Variants in LRRN2 observed in about 807,000 individuals in gnomAD.
LRRN2 encodes leucine rich repeat neuronal 2.
A neutral mutation model predicts 35.7 loss-of-function variants in LRRN2; 10 were observed. The observed-to-expected ratio is 0.28, with a 90% CI of 0.17 to 0.47. The LOEUF is 0.47. Among genes scored for constraint, LRRN2 ranks in the 20% least tolerant of loss-of-function variants. The pLI, the probability that LRRN2 is intolerant of heterozygous loss-of-function variation, is 0.99. For synonymous variants in LRRN2, 391 were observed against 409.6 expected (o/e 0.95, Z 0.55); for missense variants, 731 against 940.3 (o/e 0.78, Z 2.91).
chr1:204,677,158 G>A (rs909793065), intron 1 of LRRN2, among the ~76,000 whole-genome samples: 12 of 152,230 alleles, frequency 7.9e-5, no homozygotes, highest in African/African-American at 2.4e-4. Context: ...CCCAAGGGCA[G>A]GTGGCTAGGG....
intron 1 of LRRN2, among the ~76,000 whole-genome samples, chr1:204,656,212 C>G (rs6663910): frequency 0.41 from 62,006 of 152,072 alleles, 13,900 homozygotes; most frequent in Admixed American, 0.51. Context: ...CCTGGCCCCC[C>G]TCTATTCTTT....
intron 1 of LRRN2, among the ~76,000 whole-genome samples, chr1:204,638,472 T>C (rs1487728927): frequency 7.6e-6 from 1 of 131,452 alleles, no homozygotes; most frequent in Non-Finnish European, 1.6e-5. Context: ...AGTGCAGTGG[T>C]GCGATCTCGG....
rs1668601581 is a variant in LRRN2 at position 204,667,631 on chromosome 1, A to C, written c.-227+17689T>G. On this transcript the variant is annotated intron_variant, in intron 1 of 1. Coordinates refer to ENST00000367177, the MANE Select transcript of LRRN2 (RefSeq NM_201630.2). ...CCCAGCAAAGAGAGACTTTTAATAG[A>C]ATGTGCTGACTGTGCTCAGTTCATG... Among the ~76,000 whole-genome samples, 3 of 152,144 alleles carry C rather than the reference A, an allele frequency of 2.0e-5. No homozygotes were observed. In the South Asian group the frequency reaches 6.2e-4, roughly 32 times the overall value.
intron 1 of LRRN2, among the ~76,000 whole-genome samples, chr1:204,673,755 T>C (rs1668759102): frequency 6.6e-6 from 1 of 152,174 alleles, no homozygotes; most frequent in African/African-American, 2.4e-5. Flanking sequence ...TGGCCCCTGC[T>C]CCTCTCAGCC....
intron 1 of LRRN2, chr1:204,627,153 GTTCCTCATCCCA>G (rs1341528135): frequency 6.6e-6 from 1 of 152,160 alleles, no homozygotes; most frequent in Non-Finnish European, 1.5e-5. Flanking sequence ...GCCACTTTAT[GTTCCTCATCCCA>G]TCCTTCTGTG....
intron 1 of LRRN2, among the ~76,000 whole-genome samples, chr1:204,673,850 T>C (rs1169456358): frequency 1.3e-5 from 2 of 152,116 alleles, no homozygotes; most frequent in African/African-American, 4.8e-5. Flanking sequence ...GCTGCCCTGC[T>C]TGGTTCTTTG....
rs201115798 is a variant in LRRN2, at chr1:204,618,308, G to C, written c.1685C>G (p.Ser562Cys). 6.3e-7 allele frequency: 1 copy of C among 1,596,406 alleles called. No individual in the cohort carries two copies. The change falls in exon 2 of 2, where the codon TCC becomes TGC. Residue 562 changes from serine (S) to cysteine (C), a missense_variant. Physicochemically the swap from Ser to Cys is moderately radical, Grantham distance 112. Around this residue, in one of 3 missense-constraint regions of LRRN2, gnomAD observed 229 missense variants for 258.4 expected, o/e 0.89. Transcript: ENST00000367177. The stretch of plus-strand genomic sequence containing the variant: ...TGTGGCCCCCTGGCCCCGGAGGGAG[G>C]AGGCACTGGACCAGGTGAGGTTGGT... ...VSTNLTWSSA[S>C]SLRGQGATAL...
At chr1:204,683,464 T>A (rs1256184260) in intron 1 of LRRN2, among the ~76,000 whole-genome samples, 1 of 130,834 alleles carries the variant, frequency 7.6e-6, no homozygotes, top group Non-Finnish European at 1.6e-5. Context: ...GAGAGGAGGA[T>A]GAGGGGGAGG....
chr1:204,675,636 A>G (rs768698917), intron 1 of LRRN2, among the ~76,000 whole-genome samples: 8 of 152,242 alleles, frequency 5.3e-5, no homozygotes, highest in Non-Finnish European at 1.0e-4. Context: ...GCCCACCCAG[A>G]TAATCCAGGA....
chr1:204,653,975 G>A (rs112129200), intron 1 of LRRN2, among the ~76,000 whole-genome samples: 3,137 of 149,862 alleles, frequency 0.021, 96 homozygotes, highest in African/African-American at 0.06. Flanking sequence ...GTTCGAGGCT[G>A]CAGTGAGCCA....
At chr1:204,652,263 C>CCCCCCGCCCCCCCGCCCCCCCG (rs1553348478) in intron 1 of LRRN2, among the ~76,000 whole-genome samples, 2 of 73,422 alleles carry the variant, frequency 2.7e-5, no homozygotes. Context: ...CTTCACCGCC[C>CCCCCCGCCCCCCCGCCCCCCCG]CCCCCCCGCC....
chr1:204,654,898 T>C (rs1471998815), intron 1 of LRRN2, among the ~76,000 whole-genome samples: 2 of 152,224 alleles, frequency 1.3e-5, no homozygotes, highest in African/African-American at 2.4e-5. Flanking sequence ...AGGACTTCCC[T>C]TCTTGCCACC....
At chr1:204,630,738 C>G (rs1040996283) in intron 1 of LRRN2, among the ~76,000 whole-genome samples, 1 of 152,100 alleles carries the variant, frequency 6.6e-6, no homozygotes, top group Admixed American at 6.5e-5. Context: ...GTCCCACAGG[C>G]CTCTCCCTGG....
chr1:204,685,196 G>T (rs1476868004), intron 1 of LRRN2, 124 bp downstream of exon 1: 1 of 152,298 alleles, frequency 6.6e-6, no homozygotes, highest in Non-Finnish European at 1.5e-5. Flanking sequence ...GGAGCCAGGA[G>T]CCCTGAGGCG....
chr1:204,624,663 A>G (rs1051843541), intron 1 of LRRN2, among the ~76,000 whole-genome samples: 1 of 151,904 alleles, frequency 6.6e-6, no homozygotes, highest in African/African-American at 2.4e-5. Flanking sequence ...CCCCGGCCCC[A>G]GCACAGCCCT....
chr1:204,652,456 C>A (rs1273001206), intron 1 of LRRN2, among the ~76,000 whole-genome samples: 3 of 151,760 alleles, frequency 2.0e-5, no homozygotes, highest in Admixed American at 2.0e-4. Context: ...AGTTTTGGCT[C>A]CTTGTCTCAT....
At chr1:204,644,329 C>G (rs925906004) in intron 1 of LRRN2, among the ~76,000 whole-genome samples, 1 of 152,170 alleles carries the variant, frequency 6.6e-6, no homozygotes, top group Non-Finnish European at 1.5e-5. Flanking sequence ...CATGCAGCCT[C>G]CCTCCCTTTC....
chr1:204,675,609 C>G (rs1369432584), intron 1 of LRRN2, among the ~76,000 whole-genome samples: 1 of 152,136 alleles, frequency 6.6e-6, no homozygotes, highest in Non-Finnish European at 1.5e-5. Flanking sequence ...TTTAAAGGAC[C>G]CATGTGATTA....
chr1:204,683,649 G>C (rs1669002371), intron 1 of LRRN2, among the ~76,000 whole-genome samples: 1 of 152,144 alleles, frequency 6.6e-6, no homozygotes, highest in African/African-American at 2.4e-5. Flanking sequence ...GGATTTGGGG[G>C]TGTTCCTAGG....
Sources: allele counts gnomAD v4.1 joint callset (sites outside exome capture counted in the v4.1 genomes callset), GRCh38; gene constraint gnomAD v4.1.1; regional missense constraint gnomAD v4.1.1; transcripts MANE v1.5; gene names NCBI Gene and HGNC (gene_info 2026-07-23, HGNC 2026-07-21).